FOXP2: variants seen among roughly 807,000 people sequenced by gnomAD.
FOXP2 encodes forkhead box P2.
In FOXP2, 12 loss-of-function variants were observed where a neutral mutation model predicts 115.8. That is an observed-to-expected ratio of 0.10 (90% CI 0.07 to 0.17). The LOEUF (loss-of-function observed/expected upper bound fraction) is 0.17, where lower values mean the gene tolerates loss of function less well. Ranked by LOEUF, FOXP2 falls within the 10% of genes least tolerant of loss-of-function variation. FOXP2 has a pLI of 1.00. For synonymous variants in FOXP2, 328 were observed against 297.7 expected, an observed-to-expected ratio of 1.10 and a Z score of -1.05; for missense variants, 629 against 843.5, an observed-to-expected ratio of 0.75 and a Z score of 3.15.
chr7:114,415,835 C>T (rs1360936379), intron 1 of FOXP2, among the ~76,000 whole-genome samples: 1 of 151,896 alleles, frequency 6.6e-6, no homozygotes, highest in East Asian at 1.9e-4. Context: ...AAAGGGGAAA[C>T]TCTTTTTGCT....
intron 16 of FOXP2, chr7:114,667,536 A>G (rs1354671915): frequency 6.6e-6 from 1 of 152,198 alleles, no homozygotes; most frequent in African/African-American, 2.4e-5. Flanking sequence ...GTTTTAGGCA[A>G]TGAACAACTC....
intron 2 of FOXP2, among the ~76,000 whole-genome samples, chr7:114,353,334 CTTTTT>C (rs138925770): frequency 6.4e-4 from 41 of 64,130 alleles, no homozygotes; most frequent in East Asian, 5.5e-3. Context: ...ATAGGAGCCT[CTTTTT>C]TTTTTTTTTT....
At chr7:114,542,138 T>C (rs1799693602) in intron 3 of FOXP2, among the ~76,000 whole-genome samples, 1 of 152,136 alleles carries the variant, frequency 6.6e-6, no homozygotes, top group Admixed American at 6.6e-5. Context: ...AAAATGTTTC[T>C]GCTACCTTCA....
At chr7:114,172,101 A>C (rs1210266209) in intron 1 of FOXP2, among the ~76,000 whole-genome samples, 2 of 152,182 alleles carry the variant, frequency 1.3e-5, no homozygotes, top group Non-Finnish European at 2.9e-5. Context: ...GCAATAAAGC[A>C]TTTTTTAAGT....
intron 2 of FOXP2, among the ~76,000 whole-genome samples, chr7:114,522,168 T>C (rs965588809): frequency 4.6e-5 from 7 of 152,156 alleles, no homozygotes; most frequent in African/African-American, 7.2e-5. Flanking sequence ...TGAGGTAGGT[T>C]CTTCAATAGA....
chr7:114,678,554 T>G (rs1807901285), intron 16 of FOXP2, among the ~76,000 whole-genome samples: 1 of 146,658 alleles, frequency 6.8e-6, no homozygotes, highest in Non-Finnish European at 1.5e-5. Flanking sequence ...ACTCTTTTTT[T>G]TTTTTTTTTT....
intron 16 of FOXP2, among the ~76,000 whole-genome samples, chr7:114,673,149 A>C (rs1398446242): frequency 2.0e-5 from 3 of 152,220 alleles, no homozygotes; most frequent in Admixed American, 6.5e-5. Flanking sequence ...CAGCAACAAG[A>C]CTGACTTAAA....
At chr7:114,127,026 C>T (rs1791729308) in intron 1 of FOXP2, among the ~76,000 whole-genome samples, 1 of 152,174 alleles carries the variant, frequency 6.6e-6, no homozygotes, top group Non-Finnish European at 1.5e-5. Flanking sequence ...ATCAAGGTGT[C>T]AGTGAGTGCT....
At chr7:114,682,511 A>G (rs1280368267) in intron 16 of FOXP2, among the ~76,000 whole-genome samples, 1 of 152,118 alleles carries the variant, frequency 6.6e-6, no homozygotes, top group African/African-American at 2.4e-5. Flanking sequence ...TCTATGTTGG[A>G]AAGAAGCATT....
intron 3 of FOXP2, among the ~76,000 whole-genome samples, chr7:114,594,115 A>C (rs1802577917): frequency 6.6e-6 from 1 of 152,064 alleles, no homozygotes; most frequent in Non-Finnish European, 1.5e-5. Flanking sequence ...TACATATCAA[A>C]ATGTGGCCTG....
intron 2 of FOXP2, among the ~76,000 whole-genome samples, chr7:114,341,671 G>T (rs919494592): frequency 2.0e-5 from 3 of 151,166 alleles, no homozygotes; most frequent in Non-Finnish European, 4.4e-5. Flanking sequence ...TTTCACTGGA[G>T]AACTTCTTTA....
At chr7:114,101,870 T>C (rs574736497) in intron 1 of FOXP2, among the ~76,000 whole-genome samples, 1 of 151,190 alleles carries the variant, frequency 6.6e-6, no homozygotes, top group African/African-American at 2.4e-5. Context: ...TTATTAATCA[T>C]ATTTGATTTT....
intron 2 of FOXP2, among the ~76,000 whole-genome samples, chr7:114,529,048 T>C (rs973481898): frequency 3.3e-5 from 5 of 151,854 alleles, no homozygotes; most frequent in Non-Finnish European, 5.9e-5. Flanking sequence ...GTAGGTAATA[T>C]TAGGATATTA....
chr7:114,673,862 A>G (rs1807622462), intron 16 of FOXP2, among the ~76,000 whole-genome samples: 1 of 151,878 alleles, frequency 6.6e-6, no homozygotes, highest in African/African-American at 2.4e-5. Flanking sequence ...ACTACACCCG[A>G]CTAATTTTTT....
At chr7:114,090,746 T>G (rs1029849207) in intron 1 of FOXP2, among the ~76,000 whole-genome samples, 1 of 151,884 alleles carries the variant, frequency 6.6e-6, no homozygotes. Context: ...TATCTCTTAG[T>G]GTACTTGGAC....
In FOXP2 at chr7:114,099,382, G is replaced by A. The variant is rs147610141; in HGVS notation, c.-247+11544G>A. ...AAAAAGTCAAAAGATAACAAATGTC[G>A]TGCTTCTGTGCAGAAAAGGCACCTC... On this transcript the variant is annotated intron_variant, in intron 1 of 19. Transcript: ENST00000635638. Among the ~76,000 whole-genome samples the A allele has an allele frequency of 2.9e-3, 439 of 152,194 alleles. 2 individuals are homozygous for A. The highest frequency in any genetic ancestry group is 0.01 in the African/African-American group (416 of 41,528).
intron 2 of FOXP2, among the ~76,000 whole-genome samples, chr7:114,518,133 A>G (rs553516576): frequency 6.6e-6 from 1 of 152,176 alleles, no homozygotes; most frequent in Non-Finnish European, 1.5e-5. Flanking sequence ...CAGGTAACCC[A>G]TGGAAAGGAC....
chr7:114,331,424 A>G (rs1797710944), intron 2 of FOXP2, among the ~76,000 whole-genome samples: 2 of 152,180 alleles, frequency 1.3e-5, no homozygotes, highest in Admixed American at 1.3e-4. Flanking sequence ...GAAGACATTA[A>G]GATTATGTTA....
chr7:114,268,027 A>G (rs536842387), intron 1 of FOXP2, among the ~76,000 whole-genome samples: 1 of 152,162 alleles, frequency 6.6e-6, no homozygotes, highest in Non-Finnish European at 1.5e-5. Context: ...TGACTACTCT[A>G]TGTATTTCAT....
Sources: allele counts gnomAD v4.1 joint callset (sites outside exome capture counted in the v4.1 genomes callset), GRCh38; gene constraint gnomAD v4.1.1; transcripts MANE v1.5; gene names NCBI Gene and HGNC (gene_info 2026-07-23, HGNC 2026-07-21).